The following RIGI variants were observed in gnomAD, a reference collection of about 807,000 sequenced individuals.
RIGI encodes the protein RNA sensor RIG-I.
the RIGI span, among the ~76,000 whole-genome samples, chr9:32,457,680 T>A: frequency 6.6e-6 from 1 of 152,048 alleles, no homozygotes; most frequent in African/African-American, 2.4e-5. Context: ...ATTAAGAAGG[T>A]TCCAGGTAAC....
At chr9:32,468,032 A>C in the RIGI span, 3 of 1,096,990 alleles carry the variant, frequency 2.7e-6, no homozygotes, top group Non-Finnish European at 3.9e-6. Context: ...TATGCCAAGT[A>C]CTGTGATAAG....
chr9:32,514,613 A>C, the RIGI span, among the ~76,000 whole-genome samples: 2 of 152,142 alleles, frequency 1.3e-5, no homozygotes, highest in Non-Finnish European at 2.9e-5. Flanking sequence ...ATTAGAAGAA[A>C]TACCTAATGG....
At chr9:32,516,936 T>C in the RIGI span, among the ~76,000 whole-genome samples, 1 of 152,210 alleles carries the variant, frequency 6.6e-6, no homozygotes, top group Admixed American at 6.5e-5. Flanking sequence ...GCTTCAGCAG[T>C]CGGATTGTGT....
the RIGI span, among the ~76,000 whole-genome samples, chr9:32,473,308 G>A: frequency 3.3e-5 from 3 of 89,834 alleles, no homozygotes; most frequent in Non-Finnish European, 4.4e-5. Context: ...TTTTTTTTGA[G>A]ATGGAGTCTT....
At chr9:32,481,025 C>T in the RIGI span, among the ~76,000 whole-genome samples, 1 of 152,318 alleles carries the variant, frequency 6.6e-6, no homozygotes, top group South Asian at 2.1e-4. Context: ...TGTCACTGGA[C>T]TGGTCTTGTA....
chr9:32,474,439 C>T, the RIGI span, among the ~76,000 whole-genome samples: 1 of 152,158 alleles, frequency 6.6e-6, no homozygotes, highest in Non-Finnish European at 1.5e-5. Flanking sequence ...AGGGGACTTA[C>T]TGACTTGCTT....
At chr9:32,487,415 C>CTAGA in the RIGI span, 1 of 1,549,614 alleles carries the variant, frequency 6.5e-7, no homozygotes, top group Non-Finnish European at 8.9e-7. Context: ...TGGCTCTGAA[C>CTAGA]TAGAGGTAGT....
the RIGI span, chr9:32,489,417 T>C: frequency 6.2e-7 from 1 of 1,613,466 alleles, no homozygotes; most frequent in Non-Finnish European, 8.5e-7. Flanking sequence ...AATTTCTTGG[T>C]TTAAATGGGC....
chr9:32,455,459 A>AC, the RIGI span, among the ~76,000 whole-genome samples: 1 of 152,168 alleles, frequency 6.6e-6, no homozygotes, highest in African/African-American at 2.4e-5. Context: ...TCAAACACTT[A>AC]TAAAACCATC....
the RIGI span, among the ~76,000 whole-genome samples, chr9:32,461,178 C>T: frequency 5.3e-5 from 8 of 152,058 alleles, no homozygotes; most frequent in Non-Finnish European, 7.4e-5. Context: ...AAGAACAGTC[C>T]ACCCCAGAAC....
the RIGI span, among the ~76,000 whole-genome samples, chr9:32,468,883 C>G: frequency 6.6e-6 from 1 of 152,198 alleles, no homozygotes. Context: ...AGAGGCAATG[C>G]TATCTGCTCA....
At chr9:32,470,048 A>G in the RIGI span, among the ~76,000 whole-genome samples, 3 of 152,236 alleles carry the variant, frequency 2.0e-5, no homozygotes, top group African/African-American at 7.2e-5. Context: ...TTATTTTCAG[A>G]AAGTTGCTTA....
chr9:32,482,223 G>A, the RIGI span, among the ~76,000 whole-genome samples: 18 of 151,408 alleles, frequency 1.2e-4, no homozygotes, highest in Non-Finnish European at 2.2e-4. Flanking sequence ...GTGTTTGATT[G>A]TTTCTTGAGT....
the RIGI span, among the ~76,000 whole-genome samples, chr9:32,483,165 G>C: frequency 6.6e-6 from 1 of 152,120 alleles, no homozygotes; most frequent in East Asian, 1.9e-4. Flanking sequence ...CAGTTCGCCA[G>C]GGCTCCTCAT....
the RIGI span, chr9:32,501,072 T>C: frequency 8.6e-7 from 1 of 1,156,480 alleles, no homozygotes; most frequent in Non-Finnish European, 1.2e-6. Context: ...GGAAGAATCT[T>C]TGGAGAAGCA....
At chr9:32,482,201 G>A in the RIGI span, among the ~76,000 whole-genome samples, 168 of 152,180 alleles carry the variant, frequency 1.1e-3, no homozygotes, top group South Asian at 2.1e-3. Flanking sequence ...GTGTGTGTGT[G>A]TGTGTGTGTG....
At chr9:32,466,196 ACT>A in the RIGI span, 1 of 1,306,816 alleles carries the variant, frequency 7.7e-7, no homozygotes, top group Non-Finnish European at 1.1e-6. Context: ...GTAATATAAC[ACT>A]CTAAGCAATA....
chr9:32,470,557 A>ACCCTCCATT, the RIGI span, among the ~76,000 whole-genome samples: 1 of 152,218 alleles, frequency 6.6e-6, no homozygotes, highest in Non-Finnish European at 1.5e-5. Context: ...AGAGTCATTC[A>ACCCTCCATT]TAAGCAGGCA....
At chr9:32,468,940 T>G in the RIGI span, among the ~76,000 whole-genome samples, 1 of 152,224 alleles carries the variant, frequency 6.6e-6, no homozygotes, top group African/African-American at 2.4e-5. Context: ...CTGAATTATA[T>G]TTCGCAATCT....
Sources: gnomAD v4.1 joint callset for allele counts (sites outside exome capture counted in the v4.1 genomes callset) on GRCh38, gnomAD v4.1.1 for gene constraint, MANE v1.5 for transcripts, NCBI Gene and HGNC (gene_info 2026-07-23, HGNC 2026-07-21) for gene names.